RAB8B: variants seen among roughly 807,000 people sequenced by gnomAD.
RAB8B encodes the protein RAB8B, member RAS oncogene family, also known as ras-related protein Rab-8B.
In RAB8B, 11 loss-of-function variants were observed where a neutral mutation model predicts 32.0. The ratio of observed to expected loss-of-function variants is 0.34; its 90% confidence interval spans 0.22 to 0.57. RAB8B has a LOEUF of 0.57. RAB8B is among the 20% of genes least tolerant of loss of function. RAB8B has a pLI of 0.86. For missense variants in RAB8B, 190 were observed against 258.5 expected, an observed-to-expected ratio of 0.73 and a Z score of 1.82; for synonymous variants, 103 against 89.6, an observed-to-expected ratio of 1.15 and a Z score of -0.85.
chr15:63,253,659 AG>A (rs1348336224), intron 3 of RAB8B, among the ~76,000 whole-genome samples: 1 of 152,106 alleles, frequency 6.6e-6, no homozygotes, highest in African/African-American at 2.4e-5. Flanking sequence ...TCTAAAAAAA[AG>A]AAAGAAAGAA....
At position 63,219,229 on chromosome 15, in the gene RAB8B, C is replaced by G. The variant is rs181435787; in HGVS notation, c.125-25527C>G. 2.4e-3 allele frequency among the ~76,000 whole-genome samples: 358 copies of G among 146,750 alleles called. 2 individuals are homozygous for G. The highest frequency in any genetic ancestry group is 3.7e-3 in the Non-Finnish European group (250 of 67,162). On this transcript the variant is annotated intron_variant, in intron 1 of 7. Coordinates refer to ENST00000321437, the MANE Select transcript of RAB8B (RefSeq NM_016530.3). ...AGGGGAATTGCTTGAACTTGGGAGGCAGAGATTGTAGTGAGCTGAGATCAC... is the reference window on the plus strand; with the variant it reads ...AGGGGAATTGCTTGAACTTGGGAGGGAGAGATTGTAGTGAGCTGAGATCAC...
At chr15:63,211,502 C>A (rs376428990) in intron 1 of RAB8B, among the ~76,000 whole-genome samples, 6 of 152,268 alleles carry the variant, frequency 3.9e-5, no homozygotes, top group East Asian at 1.9e-4. Context: ...AGAATGTTTA[C>A]GCAAGACTTT....
In RAB8B at chr15:63,267,383, C is replaced by T. The variant is rs909838453; in HGVS notation, c.*3764C>T. Reference sequence around the variant, plus strand: ...ACTAATAGAACTTATTTCACTTTACCTTTTTTTAAAATGTGAATTTAGTTA... The same window carrying T: ...ACTAATAGAACTTATTTCACTTTACTTTTTTTTAAAATGTGAATTTAGTTA... On this transcript the variant is annotated 3_prime_UTR_variant, in exon 8 of 8. Transcript: ENST00000321437. 3 of 152,444 alleles carry T rather than the reference C, an allele frequency of 2.0e-5. No individual in the cohort carries two copies. The highest frequency in any genetic ancestry group is 2.9e-5 in the Non-Finnish European group (2 of 68,004). 9.4% of individuals were successfully genotyped at this position (152,444 alleles called of 1,614,324 possible).
intron 1 of RAB8B, among the ~76,000 whole-genome samples, chr15:63,193,003 AC>A (rs139437309): frequency 0.013 from 1,912 of 152,246 alleles, 38 homozygotes; most frequent in African/African-American, 0.044. Flanking sequence ...CAGGAAGATC[AC>A]TTGAGGCCAG....
At chr15:63,252,749 T>A (rs2038127031) in intron 3 of RAB8B, among the ~76,000 whole-genome samples, 1 of 115,768 alleles carries the variant, frequency 8.6e-6, no homozygotes, top group Admixed American at 8.5e-5. Context: ...TTACTTTGAC[T>A]TTTTTTTTTT....
intron 3 of RAB8B, among the ~76,000 whole-genome samples, chr15:63,252,080 C>G (rs1033344126): frequency 1.3e-5 from 2 of 151,482 alleles, no homozygotes; most frequent in Non-Finnish European, 2.9e-5. Context: ...AGACCAACAC[C>G]ATCTTCTGAA....
intron 1 of RAB8B, among the ~76,000 whole-genome samples, chr15:63,211,503 G>A (rs888548635): frequency 6.6e-6 from 1 of 152,164 alleles, no homozygotes; most frequent in Non-Finnish European, 1.5e-5. Context: ...GAATGTTTAC[G>A]CAAGACTTTA....
At chr15:63,246,763 A>C (rs569177114) in intron 2 of RAB8B, among the ~76,000 whole-genome samples, 2 of 152,298 alleles carry the variant, frequency 1.3e-5, no homozygotes, top group African/African-American at 4.8e-5. Context: ...CAGAGGTCGA[A>C]TGGTAGGACT....
chr15:63,254,797 A>G (rs1397361418), intron 3 of RAB8B, among the ~76,000 whole-genome samples: 1 of 152,132 alleles, frequency 6.6e-6, no homozygotes, highest in Non-Finnish European at 1.5e-5. Context: ...CTGTAGTCCC[A>G]GCTACTCGGG....
At chr15:63,213,806 G>T (rs1330889244) in intron 1 of RAB8B, among the ~76,000 whole-genome samples, 1 of 152,184 alleles carries the variant, frequency 6.6e-6, no homozygotes. Flanking sequence ...TTCCAGGCCA[G>T]GCGCGGTGGC....
chr15:63,207,805 C>T (rs1457732955), intron 1 of RAB8B, among the ~76,000 whole-genome samples: 1 of 152,180 alleles, frequency 6.6e-6, no homozygotes, highest in Non-Finnish European at 1.5e-5. Context: ...ACTTCATGAT[C>T]TGCCCACCTC....
chr15:63,261,262 A>G (rs1283626766), intron 6 of RAB8B, among the ~76,000 whole-genome samples: 1 of 152,200 alleles, frequency 6.6e-6, no homozygotes, highest in Non-Finnish European at 1.5e-5. Context: ...TATCAAAGAG[A>G]TAGGCAATAA....
chr15:63,225,064 A>T (rs1038480585), intron 1 of RAB8B, among the ~76,000 whole-genome samples: 8 of 152,246 alleles, frequency 5.3e-5, no homozygotes, highest in Non-Finnish European at 8.8e-5. Flanking sequence ...CCTGGCACAT[A>T]GTAGGTACAC....
chr15:63,236,396 A>G (rs1376936667), intron 1 of RAB8B, among the ~76,000 whole-genome samples: 2 of 152,178 alleles, frequency 1.3e-5, no homozygotes, highest in Non-Finnish European at 2.9e-5. Context: ...GTGTTGAGGT[A>G]TATTTGAGCA....
chr15:63,232,369 A>G (rs553901110), intron 1 of RAB8B, among the ~76,000 whole-genome samples: 9 of 152,198 alleles, frequency 5.9e-5, no homozygotes, highest in Non-Finnish European at 1.0e-4. Context: ...TACTATTTGT[A>G]TATCTATAAT....
intron 1 of RAB8B, among the ~76,000 whole-genome samples, chr15:63,198,529 A>G (rs926359042): frequency 1.3e-5 from 2 of 152,148 alleles, no homozygotes; most frequent in African/African-American, 4.8e-5. Context: ...AAGCTCAGTT[A>G]GGTATAGAAT....
At chr15:63,246,671 T>G (rs2038075036) in intron 2 of RAB8B, among the ~76,000 whole-genome samples, 1 of 152,162 alleles carries the variant, frequency 6.6e-6, no homozygotes, top group Non-Finnish European at 1.5e-5. Context: ...TGAGTTTTTA[T>G]GGAAGCTTCC....
intron 3 of RAB8B, among the ~76,000 whole-genome samples, chr15:63,253,105 G>C (rs182641321): frequency 6.6e-6 from 1 of 152,168 alleles, no homozygotes; most frequent in East Asian, 1.9e-4. Flanking sequence ...CCTTTACAGC[G>C]TGTAGCCAAA....
At chr15:63,233,287 C>T (rs1446561918) in intron 1 of RAB8B, among the ~76,000 whole-genome samples, 3 of 151,684 alleles carry the variant, frequency 2.0e-5, no homozygotes, top group Non-Finnish European at 4.4e-5. Context: ...TGGTCTCCAA[C>T]TCCTGGCCTC....
Sources: allele counts gnomAD v4.1 joint callset (sites outside exome capture counted in the v4.1 genomes callset), GRCh38; gene constraint gnomAD v4.1.1; transcripts MANE v1.5; gene names NCBI Gene and HGNC (gene_info 2026-07-23, HGNC 2026-07-21).